The following RAB3GAP1 variants were observed in gnomAD, a reference collection of about 807,000 sequenced individuals.
RAB3GAP1 encodes rab3 GTPase-activating protein catalytic subunit.
In RAB3GAP1, 86 loss-of-function variants were observed where a neutral mutation model predicts 130.7. The ratio of observed to expected loss-of-function variants is 0.66; its 90% CI spans 0.55 to 0.79. The LOEUF is 0.79. Ranked by LOEUF, RAB3GAP1 falls within the 30% of genes least tolerant of loss-of-function variation. The pLI is 0.00. For synonymous variants in RAB3GAP1, 367 were observed against 401.7 expected, an observed-to-expected ratio of 0.91 and a Z score of 1.03; for missense variants, 1,029 against 1,169.4, an observed-to-expected ratio of 0.88 and a Z score of 1.75.
At chr2:135,092,534 T>G (rs1690173775) in intron 4 of RAB3GAP1, among the ~76,000 whole-genome samples, 1 of 152,180 alleles carries the variant, frequency 6.6e-6, no homozygotes, top group African/African-American at 2.4e-5. Flanking sequence ...CCTCCCGGGT[T>G]CAAGCAAATC....
intron 18 of RAB3GAP1, among the ~76,000 whole-genome samples, chr2:135,151,324 T>TC (rs1328911799): frequency 6.6e-6 from 1 of 152,190 alleles, no homozygotes; most frequent in East Asian, 1.9e-4. Flanking sequence ...TGTGGTGGCC[T>TC]CCACCTTGCC....
chr2:135,114,940 A>C (rs1370035309), intron 6 of RAB3GAP1, among the ~76,000 whole-genome samples: 1 of 152,204 alleles, frequency 6.6e-6, no homozygotes, highest in African/African-American at 2.4e-5. Context: ...TTTACTCAAG[A>C]CAGTTTTCAT....
At chr2:135,131,843 C>A (rs1001776320) in intron 13 of RAB3GAP1, among the ~76,000 whole-genome samples, 1 of 152,226 alleles carries the variant, frequency 6.6e-6, no homozygotes, top group Admixed American at 6.5e-5. Flanking sequence ...CTATTCTTAA[C>A]TGTAATTGTG....
intron 8 of RAB3GAP1, among the ~76,000 whole-genome samples, chr2:135,121,426 C>T (rs556936296): frequency 6.6e-6 from 1 of 152,148 alleles, no homozygotes; most frequent in African/African-American, 2.4e-5. Context: ...AATTTGCCTG[C>T]TTACCCTTGA....
chr2:135,150,210 T>A (rs1692135081), intron 17 of RAB3GAP1, among the ~76,000 whole-genome samples, 159 bp from the exon 18 acceptor site: 1 of 152,236 alleles, frequency 6.6e-6, no homozygotes, highest in Non-Finnish European at 1.5e-5. Flanking sequence ...AATTCTTTTT[T>A]ATGTAAGTTC....
At chr2:135,127,369 AG>A (rs1432848451) in intron 11 of RAB3GAP1, among the ~76,000 whole-genome samples, 1 of 148,178 alleles carries the variant, frequency 6.7e-6, no homozygotes, top group Non-Finnish European at 1.5e-5. Context: ...TTTGAGAGGG[AG>A]TCTCACCCTG....
intron 5 of RAB3GAP1, 37 bp downstream of exon 5, chr2:135,093,730 G>A (rs377025680): frequency 6.8e-7 from 1 of 1,478,910 alleles, no homozygotes; most frequent in Non-Finnish European, 9.5e-7. Flanking sequence ...TTTAGTATGT[G>A]TGTTGCGGGG....
rs1397067388 is a variant in RAB3GAP1 at position 135,153,564 on chromosome 2, T to G, written c.2062-85T>G. 2.9e-4 allele frequency: 381 copies of G among 1,291,690 alleles called. 1 individual carries two copies. Among genetic ancestry groups the G allele is most frequent in the Non-Finnish European group, 2.1e-5 (19 of 888,426 alleles). The allele number at this position is 1,291,690 out of a possible 1,614,324, so 80.0% of individuals were successfully genotyped here. ...AGATTGTAAAGATTAGATAGGCTTT[T>G]TTTGAAAATACAATTTTGCAAACAG... On this transcript the variant is annotated intron_variant, in intron 18 of 23. Coordinates refer to ENST00000264158, the MANE Select transcript of RAB3GAP1 (RefSeq NM_012233.3).
At chr2:135,074,939 C>T (rs776920985) in intron 3 of RAB3GAP1, among the ~76,000 whole-genome samples, 1 of 152,142 alleles carries the variant, frequency 6.6e-6, no homozygotes, top group East Asian at 1.9e-4. Context: ...GTTGTGCCAG[C>T]AGGTTGTTTG....
chr2:135,069,061 C>G (rs1187653831), intron 3 of RAB3GAP1, among the ~76,000 whole-genome samples: 1 of 152,174 alleles, frequency 6.6e-6, no homozygotes, highest in Non-Finnish European at 1.5e-5. Context: ...TTTTTATGGT[C>G]TGGCATACAG....
intron 3 of RAB3GAP1, among the ~76,000 whole-genome samples, chr2:135,090,268 G>A (rs1051870998): frequency 6.6e-6 from 1 of 151,984 alleles, no homozygotes; most frequent in African/African-American, 2.4e-5. Context: ...TTTACACTAG[G>A]TATAGCCATG....
In RAB3GAP1 at chr2:135,169,835, A is replaced by G; in HGVS notation, c.*1054A>G. Reference sequence around the variant, plus strand: ...AGATGTCTTGTGTCTGTGTGGCTAGATGGCCTCTGCTTGGTAATCTTATTT... The same window carrying G: ...AGATGTCTTGTGTCTGTGTGGCTAGGTGGCCTCTGCTTGGTAATCTTATTT... On this transcript the variant is annotated 3_prime_UTR_variant, in exon 24 of 24. Transcript: ENST00000264158. 2 of 443,722 alleles carry G rather than the reference A, an allele frequency of 4.5e-6. No homozygotes were observed. Among genetic ancestry groups the G allele is most frequent in the Non-Finnish European group, 9.1e-6 (2 of 220,092 alleles). 27.5% of individuals were successfully genotyped at this position (443,722 alleles called of 1,614,324 possible). A position where few individuals can be genotyped will look rare whatever the true frequency, so the allele number is the denominator to read the frequency against.
At chr2:135,151,837 G>T (rs1290506048) in intron 18 of RAB3GAP1, among the ~76,000 whole-genome samples, 1 of 152,202 alleles carries the variant, frequency 6.6e-6, no homozygotes, top group African/African-American at 2.4e-5. Context: ...TCCCTGTCCT[G>T]CTGCAGTGTC....
intron 5 of RAB3GAP1, among the ~76,000 whole-genome samples, chr2:135,110,195 G>C (rs1690757695): frequency 6.6e-6 from 1 of 151,740 alleles, no homozygotes; most frequent in Non-Finnish European, 1.5e-5. Flanking sequence ...GTGCAGTGGT[G>C]TGATGATGGT....
intron 3 of RAB3GAP1, among the ~76,000 whole-genome samples, chr2:135,081,359 T>TATAC (rs1242781249): frequency 1.2e-5 from 1 of 81,084 alleles, no homozygotes. Context: ...TATATATATA[T>TATAC]ATACACACAC....
At chr2:135,170,895 T>G (rs1443404294), downstream of RAB3GAP1, among the ~76,000 whole-genome samples, 13 of 151,980 alleles carry the variant, frequency 8.6e-5, no homozygotes, top group Non-Finnish European at 1.5e-4. Context: ...TGATTTTCAT[T>G]GTGAAGTGCT....
At chr2:135,141,095 T>C (rs538188969) in intron 17 of RAB3GAP1, among the ~76,000 whole-genome samples, 50 of 152,302 alleles carry the variant, frequency 3.3e-4, no homozygotes, top group African/African-American at 1.2e-3. Flanking sequence ...GTTCAAGGCC[T>C]TTGCCTATTT....
At chr2:135,052,517 C>T in intron 2 of RAB3GAP1, 32 bp downstream of exon 2, 1 of 1,612,336 alleles carries the variant, frequency 6.2e-7, no homozygotes, top group Admixed American at 1.7e-5. Flanking sequence ...TTACCAGCTC[C>T]CATGGGCCCT....
chr2:135,161,181 C>G (rs1249498602), intron 19 of RAB3GAP1, among the ~76,000 whole-genome samples: 1 of 152,100 alleles, frequency 6.6e-6, no homozygotes, highest in Non-Finnish European at 1.5e-5. Context: ...TTTCCTAGTT[C>G]AATTGTTAGG....
Sources: allele counts gnomAD v4.1 joint callset (sites outside exome capture counted in the v4.1 genomes callset), GRCh38; gene constraint gnomAD v4.1.1; transcripts MANE v1.5; gene names NCBI Gene and HGNC (gene_info 2026-07-23, HGNC 2026-07-21).